Variants in PCDHA6 observed in about 807,000 individuals in gnomAD.
PCDHA6 encodes the protein protocadherin alpha-6.
Under a neutral mutation model 60.3 loss-of-function variants are expected in PCDHA6, and 55 were observed. The observed-to-expected ratio is 0.91, with a 90% confidence interval of 0.73 to 1.14. The LOEUF (loss-of-function observed/expected upper bound fraction) is 1.14. PCDHA6 is among the 50% of genes most tolerant of loss of function. The pLI is 0.00. For missense variants in PCDHA6, 1,327 were observed against 1,256.5 expected, an observed-to-expected ratio of 1.06 and a Z score of -0.85; for synonymous variants, 652 against 557.9, an observed-to-expected ratio of 1.17 and a Z score of -2.38.
At chr5:140,991,535 A>G (rs1323346658) in intron 3 of PCDHA6, among the ~76,000 whole-genome samples, 4 of 152,244 alleles carry the variant, frequency 2.6e-5, no homozygotes, top group South Asian at 4.1e-4. Context: ...TTGCCACTAT[A>G]TAACAAGGAT....
intron 1 of PCDHA6, among the ~76,000 whole-genome samples, chr5:140,879,496 C>T (rs186624809): frequency 6.6e-6 from 1 of 152,204 alleles, no homozygotes; most frequent in Admixed American, 6.5e-5. Context: ...GGGTCTGGAT[C>T]TCAGAAGAGA....
Position 140,857,830 on chromosome 5 carries a change from C to T in PCDHA6, c.2394+27345C>T, listed in dbSNP as rs782060681. ...CGGGTCACGTGGTGGCTAAGGTGCG[C>T]GCAGTGGACGCTGACTCTGGATACA... On this transcript the variant is annotated intron_variant, in intron 1 of 3. Coordinates refer to ENST00000529310, the MANE Select transcript of PCDHA6 (RefSeq NM_018909.4). The T allele has an allele frequency of 3.1e-6, 5 of 1,597,596 alleles. 1 individual carries two copies. Among genetic ancestry groups the T allele is most frequent in the African/African-American group, 2.7e-5 (2 of 74,244 alleles).
rs781876036 is a variant in PCDHA6 at position 140,857,534 on chromosome 5, C to T, written c.2394+27049C>T. The T allele has an allele frequency of 1.3e-5, 20 of 1,597,344 alleles. 2 individuals are homozygous for T. The highest frequency in any genetic ancestry group is 1.5e-5 in the Non-Finnish European group (18 of 1,167,750). On this transcript the variant is annotated intron_variant, in intron 1 of 3. Transcript: ENST00000529310. ...CCTGGTGTCCTACTCTCTGGTGGAG[C>T]GGCGGTTGGGCGAGCGCTCGCTGTC...
chr5:140,911,729 C>T (rs571299791), intron 1 of PCDHA6, among the ~76,000 whole-genome samples: 16 of 152,252 alleles, frequency 1.1e-4, no homozygotes, highest in South Asian at 4.2e-4. Flanking sequence ...GTAAACAGTT[C>T]GTGCCAAGGA....
intron 1 of PCDHA6, chr5:140,835,965 C>T: frequency 1.2e-6 from 2 of 1,613,194 alleles, no homozygotes; most frequent in Non-Finnish European, 1.7e-6. Flanking sequence ...CCACGAGGAG[C>T]TGGAGCTGTT....
At chr5:140,883,573 G>C in intron 1 of PCDHA6, 7 of 1,614,076 alleles carry the variant, frequency 4.3e-6, no homozygotes, top group Non-Finnish European at 5.9e-6. Flanking sequence ...CGCCTTCGCT[G>C]TGGGCCACGG....
At chr5:140,886,605 A>G (rs998772471) in intron 1 of PCDHA6, among the ~76,000 whole-genome samples, 2 of 152,108 alleles carry the variant, frequency 1.3e-5, no homozygotes, top group Non-Finnish European at 2.9e-5. Flanking sequence ...AGGTGGGCGG[A>G]TCAGGAGATC....
intron 1 of PCDHA6, among the ~76,000 whole-genome samples, chr5:140,910,875 C>A (rs1224657424): frequency 4.6e-5 from 7 of 152,184 alleles, no homozygotes; most frequent in Non-Finnish European, 7.3e-5. Flanking sequence ...TTATCCCACA[C>A]CCTTAATATC....
chr5:140,914,639 G>C (rs1348153716), intron 1 of PCDHA6, among the ~76,000 whole-genome samples: 5 of 151,890 alleles, frequency 3.3e-5, no homozygotes, highest in Admixed American at 3.3e-4. Context: ...TGGTTTCATG[G>C]TCATCTCTCC....
chr5:140,976,550 CATAA>C (rs782672542), intron 1 of PCDHA6, among the ~76,000 whole-genome samples: 4 of 151,944 alleles, frequency 2.6e-5, no homozygotes, highest in South Asian at 2.1e-4. Flanking sequence ...GACCCTATCT[CATAA>C]ATAAATAAAT....
At chr5:140,996,200 A>G (rs1338736394) in intron 3 of PCDHA6, among the ~76,000 whole-genome samples, 1 of 152,236 alleles carries the variant, frequency 6.6e-6, no homozygotes, top group South Asian at 2.1e-4. Flanking sequence ...CCCTCAATGC[A>G]AGGATATCAC....
rs2150206938 is a variant in PCDHA6, at chr5:140,833,198, G to A, written c.2394+2713G>A. ...ATGACTGCAAGGATTAAATGAAGGA[G>A]AATGAAATAGGAATGGACAGGTTAC... On this transcript the variant is annotated intron_variant, in intron 1 of 3. Coordinates refer to ENST00000529310, the MANE Select transcript of PCDHA6 (RefSeq NM_018909.4). 2.0e-5 allele frequency among the ~76,000 whole-genome samples: 3 copies of A among 152,116 alleles called. No homozygotes were observed. In the East Asian group the frequency reaches 5.8e-4, roughly 29 times the overall value.
At chr5:140,884,439 C>T (rs1554181562) in intron 1 of PCDHA6, 1 of 1,613,818 alleles carries the variant, frequency 6.2e-7, no homozygotes, top group Non-Finnish European at 8.5e-7. Flanking sequence ...CTGCGGTGCT[C>T]GGCACCGCCC....
In PCDHA6 at chr5:141,010,893, A is replaced by G. The variant is rs76323061; in HGVS notation, c.*956A>G. On this transcript the variant is annotated 3_prime_UTR_variant, in exon 4 of 4. Transcript: ENST00000529310. ...TAAATCTTTAAAGAGAAATATGAAT[A>G]CAATTCCCCTAAACTCTCCTCAAAA... is the stretch of plus-strand genomic sequence containing the variant. 0.018 allele frequency: 2,808 copies of G among 153,906 alleles called. 48 individuals are homozygous for G. The highest frequency in any genetic ancestry group is 0.029 in the Non-Finnish European group (1,995 of 68,040). 9.5% of individuals were successfully genotyped at this position (153,906 alleles called of 1,614,324 possible).
intron 1 of PCDHA6, chr5:140,853,549 T>C: frequency 1.0e-6 from 1 of 979,350 alleles, no homozygotes; most frequent in South Asian, 4.8e-5. Flanking sequence ...TTGTAATTAC[T>C]ATATAGGAAA....
chr5:140,884,547 C>G, intron 1 of PCDHA6: 1 of 1,614,214 alleles, frequency 6.2e-7, no homozygotes, highest in East Asian at 2.2e-5. Context: ...AGGGTGTGCT[C>G]TGGGGAGGGC....
intron 3 of PCDHA6, among the ~76,000 whole-genome samples, chr5:140,998,878 T>C (rs1379445555): frequency 6.6e-6 from 1 of 152,218 alleles, no homozygotes; most frequent in Non-Finnish European, 1.5e-5. Context: ...ATAATAAGTT[T>C]AGTTGAATAA....
At chr5:140,853,861 T>C in intron 1 of PCDHA6, 1 of 984,790 alleles carries the variant, frequency 1.0e-6, no homozygotes, top group Non-Finnish European at 1.2e-6. Flanking sequence ...TATTTGATAC[T>C]TGACAGTGCA....
chr5:140,863,301 C>T lies in PCDHA6; in HGVS notation c.2394+32816C>T, dbSNP rs782465834. ...ATGTCAACGTGTACCTGATCATCGC[C>T]ATCTGCGTGGTGTCCAGCCTGTTAG... On this transcript the variant is annotated intron_variant, in intron 1 of 3. Coordinates refer to ENST00000529310, the MANE Select transcript of PCDHA6 (RefSeq NM_018909.4). The T allele has an allele frequency of 2.7e-6, 4 of 1,463,618 alleles. No homozygotes were observed. In the South Asian group the frequency reaches 4.5e-5, roughly 16 times the overall value. 90.7% of individuals were successfully genotyped at this position (1,463,618 alleles called of 1,614,324 possible).
Sources: allele counts gnomAD v4.1 joint callset (sites outside exome capture counted in the v4.1 genomes callset), GRCh38; gene constraint gnomAD v4.1.1; transcripts MANE v1.5; gene names NCBI Gene and HGNC (gene_info 2026-07-23, HGNC 2026-07-21).